Variants in COL16A1 observed in about 807,000 individuals in gnomAD.
COL16A1 encodes the protein collagen type XVI alpha 1 chain, also known as collagen alpha-1(XVI) chain.
COL16A1 carries 189 observed loss-of-function variants against 266.3 expected under a neutral mutation model. The ratio of observed to expected loss-of-function variants is 0.71; its 90% CI spans 0.63 to 0.80. COL16A1 has a LOEUF of 0.80. COL16A1 is among the 30% of genes least tolerant of loss of function. The pLI, the probability that COL16A1 is intolerant of heterozygous loss-of-function variation, is 0.00. For synonymous variants in COL16A1, 740 were observed against 782.3 expected, an observed-to-expected ratio of 0.95 and a Z score of 0.90; for missense variants, 1,928 against 2,122.4, an observed-to-expected ratio of 0.91 and a Z score of 1.80.
chr1:31,685,691 G>T lies in COL16A1; in HGVS notation c.1964C>A (p.Ser655Tyr). The change falls in exon 29 of 71, where the codon TCC becomes TAC. Residue 655 changes from serine to tyrosine, a missense_variant. This residue lies in a region of COL16A1 where 1,552 missense variants were observed against 1,637.2 expected (regional missense o/e 0.95). Coordinates refer to ENST00000373672, the MANE Select transcript of COL16A1 (RefSeq NM_001856.4). This position sits in a 1 kb window ranked among gnomAD's most constrained non-coding sequence, Gnocchi z 4.0. The stretch of plus-strand genomic sequence containing the variant: ...AGGCCCAGGTTCCCCCTTCTCTCCG[G>T]ATGGGCCAGGCAAGGCCACCACACG... The part of the protein sequence containing the change: ...DVRVVALPGP[S>Y]GEKGEPGPPG... 1 of 1,613,986 alleles carries T rather than the reference G, an allele frequency of 6.2e-7. No homozygotes were observed. The highest frequency in any genetic ancestry group is 1.3e-5 in the African/African-American group (1 of 75,042).
In COL16A1 at chr1:31,692,581, C is replaced by A. The variant is rs1297070815; in HGVS notation, c.1158+17G>T. 1.2e-6 allele frequency: 2 copies of A among 1,614,126 alleles called. No homozygotes were observed. Among genetic ancestry groups the A allele is most frequent in the Admixed American group, 1.7e-5 (1 of 60,018 alleles). ...CTGGACCCACCATCCCTGCCCTATC[C>A]CTGGTCCCACACTCACCAGAGCTCC... On this transcript the variant is annotated intron_variant, in intron 15 of 70. Transcript: ENST00000373672.
At chr1:31,687,791 T>G (rs1338008218) in intron 26 of COL16A1, among the ~76,000 whole-genome samples, 1 of 152,166 alleles carries the variant, frequency 6.6e-6, no homozygotes, top group African/African-American at 2.4e-5. Flanking sequence ...GGGCTTCCCC[T>G]GTTAGGGTTG....
intron 42 of COL16A1, among the ~76,000 whole-genome samples, chr1:31,678,237 G>A (rs778520789): frequency 2.6e-5 from 4 of 152,184 alleles, no homozygotes; most frequent in Non-Finnish European, 5.9e-5. Context: ...AATCATTGGG[G>A]CAAGGAGGAG....
intron 15 of COL16A1, 34 bp from the exon 16 acceptor site, chr1:31,692,543 G>A: frequency 6.2e-7 from 1 of 1,614,020 alleles, no homozygotes; most frequent in Non-Finnish European, 8.5e-7. Context: ...GGAAGGGAGG[G>A]TAAGGCTGGG....
intron 42 of COL16A1, 24 bp downstream of exon 42, chr1:31,679,608 C>T: frequency 6.2e-7 from 1 of 1,614,248 alleles, no homozygotes. Flanking sequence ...CACCCAAGCT[C>T]CTCATTCTCT....
In COL16A1 at chr1:31,697,970, C is replaced by T. The variant is rs558210487; in HGVS notation, c.593G>A (p.Arg198Gln). ...TACATGGCCCACAGGCCTCATGGGT[C>T]GTCGGGGCCCCAGAGGCTGGGAGGA... ...SASSQPLGPR[R>Q]PMRPVGHVFL... The change falls in exon 6 of 71, where the codon CGA becomes CAA. Residue 198 changes from arginine to glutamine, a missense_variant. Physicochemically the swap from Arg to Gln is conservative, Grantham distance 43. This residue lies in a region of COL16A1 where 1,552 missense variants were observed against 1,637.2 expected (regional missense o/e 0.95). Transcript: ENST00000373672. This position sits in a 1 kb window ranked among gnomAD's most constrained non-coding sequence, Gnocchi z 4.2. 3.7e-6 allele frequency: 6 copies of T among 1,613,304 alleles called. No individual in the cohort carries two copies. Among genetic ancestry groups the T allele is most frequent in the South Asian group, 1.1e-5 (1 of 91,054 alleles).
chr1:31,679,447 A>C (rs2148745443), intron 42 of COL16A1, 185 bp downstream of exon 42: 1 of 1,599,418 alleles, frequency 6.3e-7, no homozygotes, highest in Middle Eastern at 1.7e-4. Flanking sequence ...GGGAGTGCAG[A>C]GCCTGGCCTA....
chr1:31,685,694 G>A lies in COL16A1; in HGVS notation c.1961C>T (p.Pro654Leu), dbSNP rs1643936029. 5 of 1,613,990 alleles carry A rather than the reference G, an allele frequency of 3.1e-6. No homozygotes were observed. Among genetic ancestry groups the A allele is most frequent in the Non-Finnish European group, 3.4e-6 (4 of 1,179,990 alleles). ...CCCAGGTTCCCCCTTCTCTCCGGAT[G>A]GGCCAGGCAAGGCCACCACACGGAC... Reference protein sequence around the residue: ...GDVRVVALPGPSGEKGEPGPP... With the variant: ...GDVRVVALPGLSGEKGEPGPP... Residue 654 changes from proline (P) to leucine (L), a missense_variant, in exon 29 of 71, where the codon CCA (proline) becomes CTA (leucine). By Grantham distance (98) the Pro-to-Leu change is moderately conservative. Transcript: ENST00000373672. This position sits in a 1 kb window ranked among gnomAD's most constrained non-coding sequence, Gnocchi z 4.0.
Position 31,653,935 on chromosome 1 carries a change from G to C in COL16A1, c.4466C>G (p.Ala1489Gly). Residue 1489 changes from alanine (A) to glycine (G), a missense_variant, in exon 69 of 71, where the codon GCT becomes GGT. By Grantham distance (60) the Ala-to-Gly change is moderately conservative. This residue lies in a region of COL16A1 where 376 missense variants were observed against 485.2 expected (regional missense o/e 0.77). Transcript: ENST00000373672. ...GKDGAPGRPG[A>G]PGSPGLPGQI... ...ACCAGGGAGCCCAGGTGACCCTGGA[G>C]CACCTGGCCTGCCCGGAGCACCATC... The C allele has an allele frequency of 1.2e-6, 2 of 1,614,182 alleles. No individual in the cohort carries two copies. The highest frequency in any genetic ancestry group is 1.7e-6 in the Non-Finnish European group (2 of 1,180,030).
chr1:31,693,139 G>A lies in COL16A1; in HGVS notation c.1024C>T (p.Arg342Trp), dbSNP rs764440797. 1.1e-5 allele frequency: 17 copies of A among 1,609,992 alleles called. No individual in the cohort carries two copies. In the African/African-American group the frequency reaches 1.1e-4, roughly 10 times the overall value. ...GAGCCTGGTGGACCAGGCAGGCCCC[G>A]CTCACCTTTCCCTCCCTGAGAGTGA... is the stretch of plus-strand genomic sequence containing the variant. ...PSGPKGGKGERGLPGPPGSKG... is the reference protein window; with the variant it reads ...PSGPKGGKGEWGLPGPPGSKG... The change falls in exon 13 of 71, where the codon CGG (arginine) becomes TGG (tryptophan). Residue 342 changes from arginine (R) to tryptophan (W), a missense_variant. Arg to Trp is a moderately radical substitution (Grantham distance 101). Around this residue, in one of 2 missense-constraint regions of COL16A1, gnomAD observed 1,552 missense variants for 1,637.2 expected, o/e 0.95. Transcript: ENST00000373672.
intron 42 of COL16A1, among the ~76,000 whole-genome samples, chr1:31,678,463 T>C (rs1376975263): frequency 6.6e-6 from 1 of 152,220 alleles, no homozygotes; most frequent in African/African-American, 2.4e-5. Context: ...TCTAGCATTG[T>C]CAATTCCTAG....
At chr1:31,654,147 C>T in intron 68 of COL16A1, 104 bp from the exon 69 acceptor site, 2 of 1,478,228 alleles carry the variant, frequency 1.4e-6, no homozygotes, top group Non-Finnish European at 9.1e-7. Context: ...TCCACAGCAG[C>T]CTTCCTTCAC....
chr1:31,693,005 G>A (rs1164660597), intron 13 of COL16A1, 87 bp downstream of exon 13: 21 of 1,017,064 alleles, frequency 2.1e-5, no homozygotes, highest in Non-Finnish European at 3.0e-5. Flanking sequence ...GCTTTCTGCC[G>A]GGATGATGGG....
intron 37 of COL16A1, among the ~76,000 whole-genome samples, chr1:31,682,727 G>C (rs1459378211): frequency 1.3e-5 from 2 of 152,172 alleles, no homozygotes; most frequent in Admixed American, 1.3e-4. Context: ...CATGATCACT[G>C]CTCAAAAAAT....
rs564168473 is a variant in COL16A1 at position 31,679,223 on chromosome 1, C to T, written c.2772+409G>A. On this transcript the variant is annotated intron_variant, in intron 42 of 70. Coordinates refer to ENST00000373672, the MANE Select transcript of COL16A1 (RefSeq NM_001856.4). ...TACTAGAATATAAGCTCCAAGAGGG[C>T]AGGGACTTTTATTTTTAGCCACTAC... The T allele has an allele frequency of 1.7e-4, 99 of 568,480 alleles. No homozygotes were observed. The African/African-American group carries it at 1.8e-3, about 10-fold the overall frequency. 35.2% of individuals were successfully genotyped at this position (568,480 alleles called of 1,614,324 possible).
Position 31,691,168 on chromosome 1 carries a change from A to G in COL16A1, c.1437+20T>C. ...CAAGCATGGAGCTCCCCACGTGACC[A>G]CACTCCCACCTATGCTCACCTTGTC... On this transcript the variant is annotated intron_variant, in intron 20 of 70. Coordinates refer to ENST00000373672, the MANE Select transcript of COL16A1 (RefSeq NM_001856.4). 1 of 1,612,272 alleles carries G rather than the reference A, an allele frequency of 6.2e-7. No homozygotes were observed. Among genetic ancestry groups the G allele is most frequent in the East Asian group, 2.2e-5 (1 of 44,828 alleles).
chr1:31,699,717 C>A (rs752236465), intron 4 of COL16A1, 96 bp downstream of exon 4: 4 of 824,316 alleles, frequency 4.9e-6, no homozygotes, highest in Non-Finnish European at 8.0e-6. Context: ...CAATGACCCA[C>A]AGACAGGCCC....
At position 31,696,144 on chromosome 1, in the gene COL16A1, G is replaced by A; in HGVS notation, c.865-3C>T. 1 of 1,611,060 alleles carries A rather than the reference G, an allele frequency of 6.2e-7. No individual in the cohort carries two copies. The highest frequency in any genetic ancestry group is 8.5e-7 in the Non-Finnish European group (1 of 1,179,558). On this transcript the variant is annotated splice_region_variant and splice_polypyrimidine_tract_variant and intron_variant, in intron 8 of 70. Transcript: ENST00000373672. ...CTTCCCGTCAGCTGGGCATCCACCTGGGCAGACAGAGCAAAGAGAAACCCT... is the reference window on the plus strand; with the variant it reads ...CTTCCCGTCAGCTGGGCATCCACCTAGGCAGACAGAGCAAAGAGAAACCCT...
Position 31,699,895 on chromosome 1 carries a change from T to A in COL16A1, c.184A>T (p.Thr62Ser), listed in dbSNP as rs1001487868. 1.9e-5 allele frequency: 31 copies of A among 1,613,834 alleles called. No homozygotes were observed. The highest frequency in any genetic ancestry group is 2.5e-5 in the Non-Finnish European group (29 of 1,179,758). Residue 62 changes from threonine to serine, a missense_variant, in exon 4 of 71, where the codon ACG becomes TCG. Around this residue, in one of 2 missense-constraint regions of COL16A1, gnomAD observed 1,552 missense variants for 1,637.2 expected, o/e 0.95. Coordinates refer to ENST00000373672, the MANE Select transcript of COL16A1 (RefSeq NM_001856.4). ...NLIHRLSLMK[T>S]SAIKKIRNPK... ...TTGCGGATCTTCTTGATGGCAGACG[T>A]CTTCATGAGGCTGAGTCGGTGGATG...
Sources: allele counts gnomAD v4.1 joint callset (sites outside exome capture counted in the v4.1 genomes callset), GRCh38; gene constraint gnomAD v4.1.1; regional missense constraint gnomAD v4.1.1; non-coding constraint Gnocchi (gnomAD v3.1); transcripts MANE v1.5; gene names NCBI Gene and HGNC (gene_info 2026-07-23, HGNC 2026-07-21).